The following C12orf42 variants were observed in gnomAD, a reference collection of about 807,000 sequenced individuals.
C12orf42 encodes uncharacterized protein C12orf42.
Under a neutral mutation model 21.6 loss-of-function variants are expected in C12orf42, and 25 were observed. The ratio of observed to expected loss-of-function variants is 1.16; its 90% CI spans 0.84 to 1.62. The LOEUF is 1.62. Among genes scored for constraint, C12orf42 ranks in the 40% most tolerant of loss-of-function variants. The probability of loss-of-function intolerance (pLI) is 0.00; values close to 1 mark genes in which losing one functional copy is unlikely to be tolerated. For missense variants in C12orf42, 483 were observed against 459.3 expected (o/e 1.05, Z -0.47); for synonymous variants, 174 against 175.0 (o/e 0.99, Z 0.05).
intron 4 of C12orf42, among the ~76,000 whole-genome samples, chr12:103,361,237 T>A (rs1451348064): frequency 6.6e-6 from 1 of 152,120 alleles, no homozygotes; most frequent in Non-Finnish European, 1.5e-5. Context: ...GGGTATTATC[T>A]GCCCCCGAAC....
chr12:103,463,563 T>G (rs1357276566), intron 2 of C12orf42, among the ~76,000 whole-genome samples: 1 of 152,184 alleles, frequency 6.6e-6, no homozygotes, highest in East Asian at 1.9e-4. Flanking sequence ...CATTGTACCC[T>G]CTAGAATCCA....
chr12:103,395,588 G>C (rs1423832562), intron 3 of C12orf42, among the ~76,000 whole-genome samples: 1 of 152,100 alleles, frequency 6.6e-6, no homozygotes, highest in Non-Finnish European at 1.5e-5. Flanking sequence ...GCCCGCCTCG[G>C]CCTCCCAAAG....
the C12orf42 span, among the ~76,000 whole-genome samples, chr12:103,186,972 C>G: frequency 6.6e-6 from 1 of 152,122 alleles, no homozygotes; most frequent in African/African-American, 2.4e-5. Flanking sequence ...TCAGATTATG[C>G]TTTGTTCCAA....
intron 2 of C12orf42, among the ~76,000 whole-genome samples, chr12:103,422,363 G>A (rs542936135): frequency 8.5e-4 from 129 of 152,306 alleles, no homozygotes; most frequent in Non-Finnish European, 1.4e-3. Flanking sequence ...TTCAACAAAA[G>A]CAATATCCCA....
intron 4 of C12orf42, among the ~76,000 whole-genome samples, chr12:103,361,229 G>T (rs2044073576): frequency 6.6e-6 from 1 of 152,104 alleles, no homozygotes; most frequent in African/African-American, 2.4e-5. Context: ...TGGGAAAGGG[G>T]TATTATCTGC....
chr12:103,353,820 C>T (rs941733426), intron 4 of C12orf42, among the ~76,000 whole-genome samples: 1 of 152,178 alleles, frequency 6.6e-6, no homozygotes, highest in Non-Finnish European at 1.5e-5. Context: ...GTGGGAACCA[C>T]CAGCCCTTCA....
At chr12:103,534,306 G>A in the C12orf42 span, among the ~76,000 whole-genome samples, 1 of 152,186 alleles carries the variant, frequency 6.6e-6, no homozygotes, top group Non-Finnish European at 1.5e-5. Context: ...TGGAAGAGAA[G>A]AAAGGGAAGA....
At chr12:103,112,669 TA>T in the C12orf42 span, among the ~76,000 whole-genome samples, 1 of 151,926 alleles carries the variant, frequency 6.6e-6, no homozygotes, top group Non-Finnish European at 1.5e-5. Context: ...TCAAAAACAA[TA>T]ATAATAAAAT....
At chr12:103,555,975 T>C in the C12orf42 span, among the ~76,000 whole-genome samples, 13 of 152,048 alleles carry the variant, frequency 8.5e-5, no homozygotes, top group South Asian at 1.0e-3. Flanking sequence ...AAGACACAGA[T>C]AGAGCAGTTG....
rs116985330 is a variant in C12orf42 at position 103,414,559 on chromosome 12, C to T, written c.79-12884G>A. ...TTTCCTCATTTATTTGTGTTGCATC[C>T]GATGTTTTTAAGCAGTGTCTTACAG... is the stretch of plus-strand genomic sequence containing the variant. On this transcript the variant is annotated intron_variant, in intron 2 of 5. Transcript: ENST00000548883. 2.5e-3 allele frequency among the ~76,000 whole-genome samples: 386 copies of T among 152,066 alleles called. 1 individual carries two copies. The highest frequency in any genetic ancestry group is 4.3e-3 in the Non-Finnish European group (293 of 67,944).
At chr12:103,419,882 C>A (rs2049715977) in intron 2 of C12orf42, among the ~76,000 whole-genome samples, 1 of 152,088 alleles carries the variant, frequency 6.6e-6, no homozygotes, top group Non-Finnish European at 1.5e-5. Flanking sequence ...TTTTCTGCCA[C>A]AAAACTAAAT....
intron 4 of C12orf42, among the ~76,000 whole-genome samples, chr12:103,346,116 T>C (rs957334412): frequency 3.3e-5 from 5 of 152,158 alleles, no homozygotes; most frequent in Non-Finnish European, 7.4e-5. Flanking sequence ...AGAAAATTCA[T>C]AGAAAAGAGA....
chr12:103,158,012 A>C, the C12orf42 span, among the ~76,000 whole-genome samples: 42 of 152,298 alleles, frequency 2.8e-4, no homozygotes, highest in African/African-American at 8.7e-4. Context: ...ATGATTTTTT[A>C]AATTTTCACT....
chr12:103,093,293 G>A, the C12orf42 span, among the ~76,000 whole-genome samples: 1 of 152,144 alleles, frequency 6.6e-6, no homozygotes, highest in African/African-American at 2.4e-5. Flanking sequence ...GCATTTTGCA[G>A]CAGGATATTT....
chr12:103,099,100 G>C, the C12orf42 span, among the ~76,000 whole-genome samples: 1 of 152,172 alleles, frequency 6.6e-6, no homozygotes, highest in Admixed American at 6.5e-5. Context: ...ATAAATATTT[G>C]ATCTGGAAGT....
chr12:103,373,146 C>A (rs922435721), intron 3 of C12orf42, among the ~76,000 whole-genome samples: 2 of 152,138 alleles, frequency 1.3e-5, no homozygotes, highest in African/African-American at 4.8e-5. Context: ...GCACAACCCC[C>A]ACCTTTTTTC....
chr12:103,264,399 C>T (rs528919869), downstream of C12orf42, among the ~76,000 whole-genome samples: 1 of 152,162 alleles, frequency 6.6e-6, no homozygotes, highest in East Asian at 1.9e-4. Context: ...TGCTCTGTCC[C>T]AGGGGATTAA....
Position 103,437,462 on chromosome 12 carries a change from A to T in C12orf42, c.79-35787T>A, listed in dbSNP as rs557184005. Among the ~76,000 whole-genome samples the T allele has an allele frequency of 2.2e-3, 329 of 152,306 alleles. 1 individual carries two copies. Among genetic ancestry groups the T allele is most frequent in the African/African-American group, 7.6e-3 (318 of 41,574 alleles). On this transcript the variant is annotated intron_variant, in intron 2 of 5. Coordinates refer to ENST00000548883, the MANE Select transcript of C12orf42 (RefSeq NM_198521.5). The stretch of plus-strand genomic sequence containing the variant: ...AACCCTTCAAAAAATTAATGAATCC[A>T]GGAGCTGGTTTTTTGAAAGGATCAA...
chr12:103,088,736 T>A, the C12orf42 span, among the ~76,000 whole-genome samples: 1 of 152,272 alleles, frequency 6.6e-6, no homozygotes, highest in East Asian at 1.9e-4. Flanking sequence ...AGTCACTTGC[T>A]CTGGGGGAAG....
Sources: gnomAD v4.1 joint callset for allele counts (sites outside exome capture counted in the v4.1 genomes callset) on GRCh38, gnomAD v4.1.1 for gene constraint, MANE v1.5 for transcripts, NCBI Gene and HGNC (gene_info 2026-07-23, HGNC 2026-07-21) for gene names.